The following VGLL3 variants were observed in gnomAD, a reference collection of about 807,000 sequenced individuals.
The protein encoded by VGLL3 is transcription cofactor vestigial-like protein 3.
A neutral mutation model predicts 29.2 loss-of-function variants in VGLL3; 18 were observed. That is an observed-to-expected ratio of 0.62 (90% CI 0.43 to 0.91). VGLL3 has a LOEUF of 0.91. Among genes scored for constraint, VGLL3 ranks in the 40% least tolerant of loss-of-function variants. The pLI, the probability that VGLL3 is intolerant of heterozygous loss-of-function variation, is 0.00. For synonymous variants in VGLL3, 180 were observed against 151.8 expected, an observed-to-expected ratio of 1.19 and a Z score of -1.36; for missense variants, 440 against 413.2, an observed-to-expected ratio of 1.06 and a Z score of -0.56.
rs1704497376 is a variant in VGLL3 at position 86,945,918 on chromosome 3, A to G, written c.*1106T>C. The G allele has an allele frequency of 6.6e-6, 1 of 152,148 alleles. No homozygotes were observed. Among genetic ancestry groups the G allele is most frequent in the African/African-American group, 2.4e-5 (1 of 41,448 alleles). 9.4% of individuals were successfully genotyped at this position (152,148 alleles called of 1,614,324 possible). ...ACAGGGATAGGTGGCATTATAAGAA[A>G]GAGCTCGGGCTTTGTAATTTCTCTA... On this transcript the variant is annotated 3_prime_UTR_variant, in exon 4 of 4. Transcript: ENST00000398399.
rs1163479053 is a variant in VGLL3, at chr3:86,943,967, G to T, written c.*3057C>A. ...AAGGTGGAGTGGTTTTAATAAAATTGTGGAGGCAGATAGTAGCCCTCAATA... is the reference window on the plus strand; with the variant it reads ...AAGGTGGAGTGGTTTTAATAAAATTTTGGAGGCAGATAGTAGCCCTCAATA... On this transcript the variant is annotated 3_prime_UTR_variant, in exon 4 of 4. Transcript: ENST00000398399. 1 of 152,078 alleles carries T rather than the reference G, an allele frequency of 6.6e-6. No homozygotes were observed. Among genetic ancestry groups the T allele is most frequent in the Non-Finnish European group, 1.5e-5 (1 of 68,004 alleles). 9.4% of individuals were successfully genotyped at this position (152,078 alleles called of 1,614,324 possible).
At chr3:86,972,447 T>C (rs1321655567) in intron 2 of VGLL3, among the ~76,000 whole-genome samples, 1 of 152,180 alleles carries the variant, frequency 6.6e-6, no homozygotes, top group Non-Finnish European at 1.5e-5. Context: ...TATGAAGAAG[T>C]TTATACTTCA....
At chr3:86,966,889 A>G (rs1296159123) in intron 3 of VGLL3, among the ~76,000 whole-genome samples, 1 of 146,080 alleles carries the variant, frequency 6.8e-6, no homozygotes, top group Non-Finnish European at 1.5e-5. Flanking sequence ...GTAAGTATGA[A>G]GAGTTATTAT....
intron 2 of VGLL3, among the ~76,000 whole-genome samples, chr3:86,977,964 C>T (rs535436798): frequency 6.6e-6 from 1 of 152,298 alleles, no homozygotes; most frequent in South Asian, 2.1e-4. Context: ...ATGTGCTGCT[C>T]TTTCTTTATC....
chr3:86,966,219 C>T (rs1346245376), intron 3 of VGLL3, among the ~76,000 whole-genome samples: 1 of 152,006 alleles, frequency 6.6e-6, no homozygotes, highest in African/African-American at 2.4e-5. Context: ...TTCACAGTAA[C>T]GGAGCTCTAA....
chr3:86,947,844 G>A (rs367832542), intron 3 of VGLL3, among the ~76,000 whole-genome samples: 13 of 152,104 alleles, frequency 8.5e-5, no homozygotes, highest in East Asian at 5.8e-4. Context: ...CAGAAAACGG[G>A]AAATGTGACT....
chr3:86,971,535 G>A (rs1194061515), intron 2 of VGLL3, among the ~76,000 whole-genome samples: 1 of 152,134 alleles, frequency 6.6e-6, no homozygotes, highest in Non-Finnish European at 1.5e-5. Context: ...ACAACCTCAG[G>A]AAACTTTTAA....
At chr3:86,980,417 G>C (rs1022378094) in intron 1 of VGLL3, among the ~76,000 whole-genome samples, 1 of 152,006 alleles carries the variant, frequency 6.6e-6, no homozygotes, top group African/African-American at 2.4e-5. Flanking sequence ...TTTCAGGATG[G>C]TTATTTATAA....
chr3:86,954,239 A>T (rs1183473722), intron 3 of VGLL3, among the ~76,000 whole-genome samples: 3 of 152,242 alleles, frequency 2.0e-5, no homozygotes, highest in Admixed American at 1.3e-4. Flanking sequence ...TGATGTTACT[A>T]GAAAACCATA....
In VGLL3 at chr3:86,968,976, G is replaced by A. The variant is rs368343760; in HGVS notation, c.551C>T (p.Pro184Leu). ...CAGGTTGTGTCCCGGCCAAGGACTG[G>A]GATCAGCTGCAGAAAAGGTGCCAGG... ...GPPGTFSAAD[P>L]SPWPGHNLHQ... The change falls in exon 3 of 4, where the codon CCC becomes CTC. Residue 184 changes from proline to leucine, a missense_variant. By Grantham distance (98) the Pro-to-Leu change is moderately conservative. Transcript: ENST00000398399. 1.2e-6 allele frequency: 2 copies of A among 1,614,128 alleles called. No individual in the cohort carries two copies. The highest frequency in any genetic ancestry group is 1.7e-6 in the Non-Finnish European group (2 of 1,180,022).
chr3:86,957,651 G>A (rs1704750024), intron 3 of VGLL3, among the ~76,000 whole-genome samples: 1 of 152,080 alleles, frequency 6.6e-6, no homozygotes. Context: ...CTGTGTTTCA[G>A]TCCCATTTTT....
rs975486421 is a variant in VGLL3, at chr3:86,940,193, C to T, written c.*6831G>A. 3 of 152,148 alleles carry T rather than the reference C, an allele frequency of 2.0e-5. No individual in the cohort carries two copies. Among genetic ancestry groups the T allele is most frequent in the Non-Finnish European group, 2.9e-5 (2 of 68,026 alleles). 9.4% of individuals were successfully genotyped at this position (152,148 alleles called of 1,614,324 possible). ...AAAATTGAAGGCCCACTTAGAGAAA[C>T]TCTAGCTTTCTTCAGAATACAAGGT... is the stretch of plus-strand genomic sequence containing the variant. On this transcript the variant is annotated 3_prime_UTR_variant, in exon 4 of 4. Coordinates refer to ENST00000398399, the MANE Select transcript of VGLL3 (RefSeq NM_016206.4).
chr3:86,990,780 G>A lies in VGLL3; in HGVS notation c.-37C>T. The A allele has an allele frequency of 7.9e-7, 1 of 1,273,220 alleles. No homozygotes were observed. Among genetic ancestry groups the A allele is most frequent in the East Asian group, 3.3e-5 (1 of 30,734 alleles). The allele number at this position is 1,273,220 out of a possible 1,614,324, so 78.9% of individuals were successfully genotyped here. ...CAGTGGCGGCCCCCGAGCTGCCGCC[G>A]CCGCTCTACGCGCTGGCGCGAGGGG... On this transcript the variant is annotated 5_prime_UTR_variant, in exon 1 of 4. Coordinates refer to ENST00000398399, the MANE Select transcript of VGLL3 (RefSeq NM_016206.4).
chr3:86,964,919 G>A (rs1704926798), intron 3 of VGLL3, among the ~76,000 whole-genome samples: 1 of 152,084 alleles, frequency 6.6e-6, no homozygotes, highest in African/African-American at 2.4e-5. Context: ...CAGCACTTTG[G>A]GAGGCCAAGG....
rs571836687 is a variant in VGLL3 at position 86,940,910 on chromosome 3, A to G, written c.*6114T>C. ...GTTAATTTTTATTTCTGGAAACACA[A>G]AATTAAGGTAGCACAACTTCTTGTA... On this transcript the variant is annotated 3_prime_UTR_variant, in exon 4 of 4. Coordinates refer to ENST00000398399, the MANE Select transcript of VGLL3 (RefSeq NM_016206.4). The G allele has an allele frequency of 1.6e-4, 25 of 152,558 alleles. No individual in the cohort carries two copies. The highest frequency in any genetic ancestry group is 1.5e-3 in the Admixed American group (23 of 15,274). 9.5% of individuals were successfully genotyped at this position (152,558 alleles called of 1,614,324 possible). A position where few individuals can be genotyped will look rare whatever the true frequency, so the allele number is the denominator to read the frequency against.
chr3:86,961,755 G>A (rs897035759), intron 3 of VGLL3, among the ~76,000 whole-genome samples: 10 of 152,062 alleles, frequency 6.6e-5, no homozygotes, highest in African/African-American at 2.2e-4. Context: ...TAGGTTACAC[G>A]CAGCTTAATG....
rs925341764 is a variant in VGLL3, at chr3:86,940,194, T to G, written c.*6830A>C. On this transcript the variant is annotated 3_prime_UTR_variant, in exon 4 of 4. Coordinates refer to ENST00000398399, the MANE Select transcript of VGLL3 (RefSeq NM_016206.4). ...AAATTGAAGGCCCACTTAGAGAAACTCTAGCTTTCTTCAGAATACAAGGTC... is the reference window on the plus strand; with the variant it reads ...AAATTGAAGGCCCACTTAGAGAAACGCTAGCTTTCTTCAGAATACAAGGTC... 1.3e-5 allele frequency: 2 copies of G among 152,172 alleles called. No homozygotes were observed. Among genetic ancestry groups the G allele is most frequent in the African/African-American group, 4.8e-5 (2 of 41,430 alleles). 9.4% of individuals were successfully genotyped at this position (152,172 alleles called of 1,614,324 possible).
At chr3:86,978,378 T>C in intron 2 of VGLL3, 148 bp downstream of exon 2, 1 of 915,238 alleles carries the variant, frequency 1.1e-6, no homozygotes, top group Non-Finnish European at 1.6e-6. Flanking sequence ...GATCCAGCTG[T>C]TTGTCTGAAA....
In VGLL3 at chr3:86,939,838, A is replaced by T. The variant is rs1283364795; in HGVS notation, c.*7186T>A. On this transcript the variant is annotated 3_prime_UTR_variant, in exon 4 of 4. Transcript: ENST00000398399. ...GGAAGGAAACTAAGCAAAGGACTCT[A>T]GAAGCAGGGAACAGCAAGATTCTCT... 6.6e-6 allele frequency: 1 copy of T among 152,230 alleles called. No homozygotes were observed. Among genetic ancestry groups the T allele is most frequent in the African/African-American group, 2.4e-5 (1 of 41,458 alleles). The allele number at this position is 152,230 out of a possible 1,614,324, so 9.4% of individuals were successfully genotyped here.
Sources: gnomAD v4.1 joint callset for allele counts (sites outside exome capture counted in the v4.1 genomes callset) on GRCh38, gnomAD v4.1.1 for gene constraint, MANE v1.5 for transcripts, NCBI Gene and HGNC (gene_info 2026-07-23, HGNC 2026-07-21) for gene names.